EPB41L3: variants seen among roughly 807,000 people sequenced by gnomAD.
EPB41L3 encodes band 4.1-like protein 3.
Under a neutral mutation model 127.1 loss-of-function variants are expected in EPB41L3, and 57 were observed. The ratio of observed to expected loss-of-function variants is 0.45; its 90% CI spans 0.36 to 0.56. EPB41L3 has a LOEUF of 0.56. Ranked by LOEUF, EPB41L3 falls within the 20% of genes least tolerant of loss-of-function variation. The pLI is 0.00. For missense variants in EPB41L3, 1,273 were observed against 1,372.2 expected, an observed-to-expected ratio of 0.93 and a Z score of 1.14; for synonymous variants, 572 against 549.5, an observed-to-expected ratio of 1.04 and a Z score of -0.57.
intron 1 of EPB41L3, chr18:5,540,531 C>T: frequency 1.0e-6 from 1 of 985,430 alleles, no homozygotes; most frequent in Non-Finnish European, 1.2e-6. Context: ...CACAGAATTC[C>T]CCACAGCCAA....
chr18:5,511,823 G>C (rs2092542517), intron 1 of EPB41L3, among the ~76,000 whole-genome samples: 1 of 152,176 alleles, frequency 6.6e-6, no homozygotes, highest in South Asian at 2.1e-4. Context: ...AGACAGAGAT[G>C]TGTGCCAGAG....
At chr18:5,559,310 C>G (rs1033076722) in intron 3 of EPB41L3, among the ~76,000 whole-genome samples, 4 of 152,128 alleles carry the variant, frequency 2.6e-5, no homozygotes, top group African/African-American at 9.7e-5. Context: ...GATTTCTTAA[C>G]TTGGAACACA....
chr18:5,488,162 A>G (rs1355492807), intron 2 of EPB41L3, among the ~76,000 whole-genome samples: 6 of 152,206 alleles, frequency 3.9e-5, no homozygotes, highest in Non-Finnish European at 7.3e-5. Flanking sequence ...AGGGAAAAAG[A>G]GTTGAAAATG....
At chr18:5,505,502 TCTCCACCCCTACCCTCCACACTTTCAC>T (rs1438522468) in intron 1 of EPB41L3, among the ~76,000 whole-genome samples, 13 of 130,624 alleles carry the variant, frequency 1.0e-4, no homozygotes, top group East Asian at 2.6e-4. Flanking sequence ...CACACCTTCA[TCTCCACCCCTACCCTCCACACTTTCAC>T]CTCCACCCCT....
intron 1 of EPB41L3, among the ~76,000 whole-genome samples, chr18:5,517,502 T>C (rs1480031849): frequency 1.3e-5 from 2 of 152,222 alleles, no homozygotes; most frequent in East Asian, 1.9e-4. Context: ...AGTGGCATGA[T>C]CTTGGCTCAC....
At chr18:5,439,882 A>G (rs1040381524) in intron 5 of EPB41L3, among the ~76,000 whole-genome samples, 2 of 152,230 alleles carry the variant, frequency 1.3e-5, no homozygotes, top group African/African-American at 4.8e-5. Context: ...AAATGGATTT[A>G]TTGCTCTTTT....
chr18:5,455,789 T>A (rs150906168), intron 3 of EPB41L3, among the ~76,000 whole-genome samples: 12 of 150,682 alleles, frequency 8.0e-5, no homozygotes, highest in African/African-American at 2.9e-4. Context: ...GCAAAGAGTT[T>A]CACATCACAC....
intron 3 of EPB41L3, among the ~76,000 whole-genome samples, chr18:5,606,878 G>A (rs978047532): frequency 5.2e-5 from 7 of 133,820 alleles, no homozygotes; most frequent in Non-Finnish European, 9.4e-5. Context: ...CCACCATGGC[G>A]TCATTCTCTC....
At chr18:5,629,665 G>T (rs552673005), upstream of EPB41L3, among the ~76,000 whole-genome samples, 19 of 152,202 alleles carry the variant, frequency 1.2e-4, no homozygotes, top group Admixed American at 4.6e-4. Context: ...CTGGGCTAGC[G>T]GTTCGAGCTG....
In EPB41L3 at chr18:5,478,370, G is replaced by A. The variant is rs766366644; in HGVS notation, c.252C>T (p.Asp84=). 3.3e-5 allele frequency: 53 copies of A among 1,613,952 alleles called. 1 individual carries two copies. The highest frequency in any genetic ancestry group is 1.6e-4 in the Middle Eastern group (1 of 6,084). ...AKQLEYQQLE[D]DKLSQKSSSS... ...TAGATGATTTCTGAGAAAGTTTATCGTCTTCTAATTGCTGATATTCGAGCT... is the reference window on the plus strand; with the variant it reads ...TAGATGATTTCTGAGAAAGTTTATCATCTTCTAATTGCTGATATTCGAGCT... Residue 84 remains aspartate (D), a synonymous_variant, in exon 3 of 23, where the codon GAC becomes GAT. Coordinates refer to ENST00000341928, the MANE Select transcript of EPB41L3 (RefSeq NM_012307.5).
At chr18:5,618,551 C>T (rs1054915360) in intron 1 of EPB41L3, among the ~76,000 whole-genome samples, 1 of 152,216 alleles carries the variant, frequency 6.6e-6, no homozygotes, top group Non-Finnish European at 1.5e-5. Context: ...GGCTTCTAAA[C>T]ATTTGGAGGT....
intron 3 of EPB41L3, among the ~76,000 whole-genome samples, chr18:5,581,716 G>A (rs538601695): frequency 2.6e-5 from 4 of 152,136 alleles, no homozygotes; most frequent in Non-Finnish European, 5.9e-5. Context: ...AATGATTAAG[G>A]CCAGGCATGG....
chr18:5,510,154 A>G (rs1253047885), intron 1 of EPB41L3, among the ~76,000 whole-genome samples: 3 of 152,228 alleles, frequency 2.0e-5, no homozygotes, highest in African/African-American at 7.2e-5. Context: ...TCAATGACTC[A>G]GGCAACACCT....
intron 3 of EPB41L3, chr18:5,463,847 A>G (rs574431134): frequency 6.6e-6 from 1 of 152,386 alleles, no homozygotes; most frequent in South Asian, 2.1e-4. Context: ...GAGATGATAA[A>G]CACATGCGGT....
chr18:5,489,478 G>T, intron 1 of EPB41L3: 1 of 364,358 alleles, frequency 2.7e-6, no homozygotes, highest in Non-Finnish European at 4.8e-6. Context: ...ATTGTTAAAT[G>T]ACATTAAAGA....
intron 1 of EPB41L3, among the ~76,000 whole-genome samples, chr18:5,542,706 G>C (rs1436474877): frequency 5.3e-5 from 8 of 151,762 alleles, no homozygotes. Context: ...TTAACCCTGG[G>C]CTGCAACTAA....
At position 5,453,069 on chromosome 18, in the gene EPB41L3, C is replaced by T. The variant is rs576178209; in HGVS notation, c.382-7825G>A. On this transcript the variant is annotated intron_variant, in intron 3 of 22. Coordinates refer to ENST00000341928, the MANE Select transcript of EPB41L3 (RefSeq NM_012307.5). ...GGGCATTGCCTCCATTCCTGAATCC[C>T]TATAAATCATCTCTTAGTCTGTGCC... 1.1e-3 allele frequency among the ~76,000 whole-genome samples: 168 copies of T among 152,284 alleles called. 1 individual carries two copies. In the South Asian group the frequency reaches 0.015, roughly 13 times the overall value.
chr18:5,443,726 G>A, intron 5 of EPB41L3, 112 bp downstream of exon 5: 1 of 773,658 alleles, frequency 1.3e-6, no homozygotes, highest in Admixed American at 2.9e-5. Context: ...TCAAATTTGA[G>A]ATAAGAAAAG....
chr18:5,518,292 G>C (rs1035706685), intron 1 of EPB41L3, among the ~76,000 whole-genome samples: 1 of 151,868 alleles, frequency 6.6e-6, no homozygotes, highest in Non-Finnish European at 1.5e-5. Flanking sequence ...TCCCACCCTA[G>C]AGCCTCGCAC....
Sources: gnomAD v4.1 joint callset for allele counts (sites outside exome capture counted in the v4.1 genomes callset) on GRCh38, gnomAD v4.1.1 for gene constraint, MANE v1.5 for transcripts, NCBI Gene and HGNC (gene_info 2026-07-23, HGNC 2026-07-21) for gene names.